GOLM1: variants seen among roughly 807,000 people sequenced by gnomAD.
The protein encoded by GOLM1 is epididymis luminal protein 46.
Under a neutral mutation model 50.5 loss-of-function variants are expected in GOLM1, and 31 were observed. The ratio of observed to expected loss-of-function variants is 0.61; its 90% confidence interval spans 0.46 to 0.83. The LOEUF is 0.83. Among genes scored for constraint, GOLM1 ranks in the 40% least tolerant of loss-of-function variants. The probability of loss-of-function intolerance (pLI) is 0.00; values close to 1 mark genes in which losing one functional copy is unlikely to be tolerated. For missense variants in GOLM1, 491 were observed against 501.3 expected (o/e 0.98, Z 0.20); for synonymous variants, 178 against 192.8 (o/e 0.92, Z 0.64).
chr9:86,038,066 A>C (rs1419850091), intron 6 of GOLM1, among the ~76,000 whole-genome samples: 1 of 151,790 alleles, frequency 6.6e-6, no homozygotes, highest in Non-Finnish European at 1.5e-5. Context: ...AGGCAGGAGA[A>C]TTGCTTCAAC....
intron 2 of GOLM1, chr9:86,077,861 T>G: frequency 2.3e-6 from 1 of 429,104 alleles, no homozygotes; most frequent in African/African-American, 2.0e-5. Flanking sequence ...ATGTGCTAAG[T>G]GCACAGAATG....
Position 86,026,416 on chromosome 9 carries a change from C to T in GOLM1, c.*1401G>A. The stretch of plus-strand genomic sequence containing the variant: ...TGGAGGTGGCAACGTGAATTGCAAA[C>T]AGGGCCTGCTTCAGTGACTGTGTGC... On this transcript the variant is annotated 3_prime_UTR_variant, in exon 10 of 10. Transcript: ENST00000388712. 1.0e-6 allele frequency: 1 copy of T among 985,336 alleles called. No homozygotes were observed. Among genetic ancestry groups the T allele is most frequent in the Non-Finnish European group, 1.2e-6 (1 of 829,888 alleles). 61.0% of individuals were successfully genotyped at this position (985,336 alleles called of 1,614,324 possible). A position where few individuals can be genotyped will look rare whatever the true frequency, so the allele number is the denominator to read the frequency against.
chr9:86,077,412 C>T lies in GOLM1; in HGVS notation c.309G>A (p.Lys103=). The change falls in exon 3 of 10, where the codon AAG becomes AAA. Residue 103 remains lysine, a splice_region_variant and synonymous_variant. Transcript: ENST00000388712. Reference sequence around the variant, plus strand: ...TGAGAGGAAACAAAGCAGGCCTTGCCTTTTCGTCCTGGTACAGCTTGTTGA... The same window carrying T: ...TGAGAGGAAACAAAGCAGGCCTTGCTTTTTCGTCCTGGTACAGCTTGTTGA... ...ESVNKLYQDE[K]AVLVNNITTG... is the part of the protein sequence containing the mutation. 6.2e-7 allele frequency: 1 copy of T among 1,613,388 alleles called. No individual in the cohort carries two copies. The highest frequency in any genetic ancestry group is 8.5e-7 in the Non-Finnish European group (1 of 1,179,312).
chr9:86,093,650 A>G lies in GOLM1; in HGVS notation c.-22+5761T>C, dbSNP rs141084892. 3.5e-3 allele frequency among the ~76,000 whole-genome samples: 528 copies of G among 152,040 alleles called. 2 individuals are homozygous for G. The highest frequency in any genetic ancestry group is 0.01 in the African/African-American group (431 of 41,422). On this transcript the variant is annotated intron_variant, in intron 1 of 9. Coordinates refer to ENST00000388712, the MANE Select transcript of GOLM1 (RefSeq NM_016548.4). ...CCTACTGGCTTAATTTAAAAATTCA[A>G]CCTATTGGTTAAAATTATTATTTGC...
chr9:86,074,275 A>G lies in GOLM1; in HGVS notation c.309+3137T>C, dbSNP rs559684374. On this transcript the variant is annotated intron_variant, in intron 3 of 9. Coordinates refer to ENST00000388712, the MANE Select transcript of GOLM1 (RefSeq NM_016548.4). The stretch of plus-strand genomic sequence containing the variant: ...AAAAAAGACAGACAATGTATAAAAA[A>G]GTATTTAGGTGAAGGATAAGCCCAT... Among the ~76,000 whole-genome samples the G allele has an allele frequency of 9.9e-5, 15 of 152,078 alleles. No homozygotes were observed. The South Asian group carries it at 2.7e-3, about 27-fold the overall frequency.
At chr9:86,044,722 C>T (rs180879174) in intron 5 of GOLM1, among the ~76,000 whole-genome samples, 55 of 152,242 alleles carry the variant, frequency 3.6e-4, no homozygotes, top group Non-Finnish European at 5.6e-4. Context: ...GAGGCGAAGA[C>T]GAGCAGATCA....
intron 1 of GOLM1, among the ~76,000 whole-genome samples, chr9:86,096,802 A>G (rs1835367109): frequency 1.3e-5 from 2 of 152,204 alleles, no homozygotes; most frequent in Non-Finnish European, 1.5e-5. Context: ...CAGCAAATAC[A>G]TGTAGTTTAT....
At chr9:86,060,970 T>G (rs1193771016) in intron 3 of GOLM1, among the ~76,000 whole-genome samples, 1 of 148,562 alleles carries the variant, frequency 6.7e-6, no homozygotes, top group East Asian at 1.9e-4. Flanking sequence ...ACTGAATACT[T>G]GACATGAGGA....
chr9:86,033,173 G>A (rs1833034282), intron 9 of GOLM1, 109 bp downstream of exon 9: 3 of 672,084 alleles, frequency 4.5e-6, no homozygotes, highest in South Asian at 3.6e-5. Flanking sequence ...TCCTTGAAAT[G>A]ACCCATTAAT....
chr9:86,043,241 T>G (rs1018975736), intron 5 of GOLM1, among the ~76,000 whole-genome samples: 2 of 152,166 alleles, frequency 1.3e-5, no homozygotes, highest in East Asian at 3.8e-4. Context: ...AAGGCTATTT[T>G]CGGATGGAGT....
intron 1 of GOLM1, among the ~76,000 whole-genome samples, chr9:86,097,448 G>T (rs920097599): frequency 5.9e-5 from 9 of 151,972 alleles, no homozygotes; most frequent in African/African-American, 2.2e-4. Flanking sequence ...TTTTCATAGG[G>T]CAACTTATTT....
intron 3 of GOLM1, among the ~76,000 whole-genome samples, chr9:86,054,275 T>C (rs1833917608): frequency 6.6e-6 from 1 of 152,018 alleles, no homozygotes; most frequent in Admixed American, 6.5e-5. Context: ...GACTTTTTTT[T>C]TTTTTTTTTG....
At chr9:86,041,278 G>A (rs1833339025) in intron 5 of GOLM1, among the ~76,000 whole-genome samples, 3 of 152,178 alleles carry the variant, frequency 2.0e-5, no homozygotes. Flanking sequence ...GGGGGTCTTG[G>A]AGGTGGGGAA....
chr9:86,071,507 C>T (rs539727842), intron 3 of GOLM1, among the ~76,000 whole-genome samples: 1 of 152,004 alleles, frequency 6.6e-6, no homozygotes, highest in East Asian at 1.9e-4. Context: ...GGAGAAACCC[C>T]GTCTCTACTA....
At chr9:86,078,713 C>T (rs73650923) in intron 2 of GOLM1, among the ~76,000 whole-genome samples, 2 of 152,146 alleles carry the variant, frequency 1.3e-5, no homozygotes, top group East Asian at 1.9e-4. Context: ...CCCATGACTG[C>T]ACCGGTAAAT....
chr9:86,079,332 C>G lies in GOLM1; in HGVS notation c.-12G>C, dbSNP rs150348296. The G allele has an allele frequency of 1.3e-6, 2 of 1,570,964 alleles. No individual in the cohort carries two copies. The highest frequency in any genetic ancestry group is 4.0e-5 in the Admixed American group (2 of 50,064). ...CCCAAGCCCATCATCTCAAAATCAG[C>G]GCTGAGAATCTGCCAAGTAAAAGCA... is the stretch of plus-strand genomic sequence containing the variant. On this transcript the variant is annotated 5_prime_UTR_variant, in exon 2 of 10. Transcript: ENST00000388712.
In GOLM1 at chr9:86,026,413, A is replaced by C. The variant is rs1401686856; in HGVS notation, c.*1404T>G. On this transcript the variant is annotated 3_prime_UTR_variant, in exon 10 of 10. Transcript: ENST00000388712. ...AGTTGGAGGTGGCAACGTGAATTGC[A>C]AACAGGGCCTGCTTCAGTGACTGTG... The C allele has an allele frequency of 1.5e-5, 15 of 985,248 alleles. No individual in the cohort carries two copies. Among genetic ancestry groups the C allele is most frequent in the Non-Finnish European group, 1.8e-5 (15 of 829,906 alleles). The allele number at this position is 985,248 out of a possible 1,614,324, so 61.0% of individuals were successfully genotyped here.
chr9:86,080,243 G>A (rs1834746352), intron 1 of GOLM1: 1 of 152,160 alleles, frequency 6.6e-6, no homozygotes, highest in Non-Finnish European at 1.5e-5. Context: ...CAAAAATACA[G>A]CTTAGAAGAA....
In GOLM1 at chr9:86,046,489, T is replaced by A. The variant is rs1413720691; in HGVS notation, c.448A>T (p.Arg150Trp). The A allele has an allele frequency of 6.2e-7, 1 of 1,609,560 alleles. No homozygotes were observed. The highest frequency in any genetic ancestry group is 8.5e-7 in the Non-Finnish European group (1 of 1,175,784). Reference protein sequence around the residue: ...QFQKNQTNLERKFSYDLSQCI... With the variant: ...QFQKNQTNLEWKFSYDLSQCI... ...ACTCACAGGTCGTAGGAGAACTTCCTCTCCAGGTTGGTCTGGTTCTTCTGA... is the reference window on the plus strand; with the variant it reads ...ACTCACAGGTCGTAGGAGAACTTCCACTCCAGGTTGGTCTGGTTCTTCTGA... The change falls in exon 5 of 10, where the codon AGG (arginine) becomes TGG (tryptophan). Residue 150 changes from arginine to tryptophan, a missense_variant. Physicochemically the swap from Arg to Trp is moderately radical, Grantham distance 101. Coordinates refer to ENST00000388712, the MANE Select transcript of GOLM1 (RefSeq NM_016548.4).
Sources: allele counts gnomAD v4.1 joint callset (sites outside exome capture counted in the v4.1 genomes callset), GRCh38; gene constraint gnomAD v4.1.1; transcripts MANE v1.5; gene names NCBI Gene and HGNC (gene_info 2026-07-23, HGNC 2026-07-21).